HPSE2: variants seen among roughly 807,000 people sequenced by gnomAD.
HPSE2 encodes heparanase 2 (inactive), also known as inactive heparanase-2.
In HPSE2, 38 loss-of-function variants were observed where a neutral mutation model predicts 60.5. The ratio of observed to expected loss-of-function variants is 0.63; its 90% CI spans 0.48 to 0.82. The LOEUF (loss-of-function observed/expected upper bound fraction) is 0.82, where lower values mean the gene tolerates loss of function less well. HPSE2 is among the 40% of genes least tolerant of loss of function. HPSE2 has a pLI of 0.00. For missense variants in HPSE2, 713 were observed against 740.4 expected (o/e 0.96, Z 0.43); for synonymous variants, 295 against 293.2 (o/e 1.01, Z -0.06).
intron 2 of HPSE2, among the ~76,000 whole-genome samples, chr10:99,224,684 G>A (rs1564905979): frequency 6.6e-6 from 1 of 152,072 alleles, no homozygotes; most frequent in Non-Finnish European, 1.5e-5. Flanking sequence ...CATCCCATCA[G>A]TAGGGATTGC....
rs144168235 is a variant in HPSE2 at position 98,963,788 on chromosome 10, G to A, written c.610+180450C>T. 2.0e-3 allele frequency among the ~76,000 whole-genome samples: 308 copies of A among 152,230 alleles called. 4 individuals carry two copies. The highest frequency in any genetic ancestry group is 9.7e-4 in the East Asian group (5 of 5,178). ...ACATCAATGGTGGGCATTTCCAATT[G>A]AGGATTAGTCATGGAATCATGACTA... On this transcript the variant is annotated intron_variant, in intron 3 of 11. Coordinates refer to ENST00000370552, the MANE Select transcript of HPSE2 (RefSeq NM_021828.5).
rs190077472 is a variant in HPSE2, at chr10:98,522,416, G to C, written c.1321-32220C>G. ...GAGCAAAGTGTGAGGCAGTTCCCGGGGGGCGGGGGAAATAGGTCTTGTGGA... is the reference window on the plus strand; with the variant it reads ...GAGCAAAGTGTGAGGCAGTTCCCGGCGGGCGGGGGAAATAGGTCTTGTGGA... On this transcript the variant is annotated intron_variant, in intron 9 of 11. Coordinates refer to ENST00000370552, the MANE Select transcript of HPSE2 (RefSeq NM_021828.5). Among the ~76,000 whole-genome samples, 9 of 152,172 alleles carry C rather than the reference G, an allele frequency of 5.9e-5. No individual in the cohort carries two copies. In the East Asian group the frequency reaches 1.7e-3, roughly 29 times the overall value.
intron 7 of HPSE2, among the ~76,000 whole-genome samples, chr10:98,636,796 T>C (rs1430225506): frequency 6.6e-6 from 1 of 152,250 alleles, no homozygotes; most frequent in Non-Finnish European, 1.5e-5. Flanking sequence ...TCTGTGCTTA[T>C]TGAATTACTG....
chr10:98,975,068 G>A (rs747594444), intron 3 of HPSE2, among the ~76,000 whole-genome samples: 1 of 152,170 alleles, frequency 6.6e-6, no homozygotes, highest in Non-Finnish European at 1.5e-5. Flanking sequence ...AAGTAAGGGT[G>A]TTCTTCTAAT....
chr10:99,053,039 G>A (rs1274283088), intron 3 of HPSE2, among the ~76,000 whole-genome samples: 2 of 148,462 alleles, frequency 1.3e-5, no homozygotes. Context: ...TTAATTTCTT[G>A]AAAAAAAAAC....
chr10:98,670,972 T>C (rs1410057049), intron 6 of HPSE2, among the ~76,000 whole-genome samples: 1 of 152,234 alleles, frequency 6.6e-6, no homozygotes, highest in Non-Finnish European at 1.5e-5. Flanking sequence ...TGAGAGGTTT[T>C]GTCTGCAGCT....
At chr10:98,527,071 T>C (rs767335580) in intron 9 of HPSE2, among the ~76,000 whole-genome samples, 2 of 152,092 alleles carry the variant, frequency 1.3e-5, no homozygotes, top group Admixed American at 6.5e-5. Flanking sequence ...CTCTTAACCT[T>C]ACCCCTTCCT....
At chr10:98,494,197 C>A (rs1186403781) in intron 9 of HPSE2, among the ~76,000 whole-genome samples, 1 of 152,134 alleles carries the variant, frequency 6.6e-6, no homozygotes, top group Non-Finnish European at 1.5e-5. Context: ...GGTACACCTG[C>A]AAGCAGTTTT....
intron 9 of HPSE2, among the ~76,000 whole-genome samples, chr10:98,550,154 T>C (rs1357409838): frequency 6.6e-6 from 1 of 152,240 alleles, no homozygotes; most frequent in African/African-American, 2.4e-5. Context: ...GCTGGCCTTC[T>C]TTCCATTTAA....
intron 3 of HPSE2, among the ~76,000 whole-genome samples, chr10:98,958,855 G>A (rs1226254844): frequency 1.3e-5 from 2 of 152,032 alleles, no homozygotes; most frequent in South Asian, 2.1e-4. Context: ...CTCACCTGAA[G>A]CATAATATCA....
chr10:98,614,295 T>TG (rs903141578), intron 9 of HPSE2, among the ~76,000 whole-genome samples: 3 of 84,880 alleles, frequency 3.5e-5, no homozygotes, highest in Non-Finnish European at 1.1e-4. Context: ...AGGATTGTTT[T>TG]GTTTTTTTTT....
At chr10:98,761,272 C>T (rs889992055) in intron 3 of HPSE2, among the ~76,000 whole-genome samples, 1 of 151,854 alleles carries the variant, frequency 6.6e-6, no homozygotes, top group African/African-American at 2.4e-5. Flanking sequence ...TTAGAAAACC[C>T]GTAGAAAAGA....
intron 3 of HPSE2, among the ~76,000 whole-genome samples, chr10:99,133,498 G>A (rs1845527574): frequency 1.3e-5 from 2 of 152,142 alleles, no homozygotes; most frequent in Non-Finnish European, 2.9e-5. Flanking sequence ...GCTCTGGTTG[G>A]CATTTGGCAG....
intron 6 of HPSE2, among the ~76,000 whole-genome samples, chr10:98,683,439 A>G (rs757698699): frequency 3.3e-5 from 5 of 151,552 alleles, no homozygotes; most frequent in Non-Finnish European, 5.9e-5. Context: ...AAGAAAAAAG[A>G]AAAAATAGGA....
intron 11 of HPSE2, among the ~76,000 whole-genome samples, chr10:98,469,349 A>G (rs1940681860): frequency 6.6e-6 from 1 of 152,194 alleles, no homozygotes; most frequent in South Asian, 2.1e-4. Context: ...ACCACAGGAC[A>G]CAATAGGAAC....
chr10:98,942,564 T>C (rs1389747998), intron 3 of HPSE2, among the ~76,000 whole-genome samples: 1 of 151,836 alleles, frequency 6.6e-6, no homozygotes, highest in Non-Finnish European at 1.5e-5. Context: ...TGGCAATCAT[T>C]AAAAAGTCAG....
chr10:98,999,031 G>C (rs1956714178), intron 3 of HPSE2, among the ~76,000 whole-genome samples: 1 of 152,100 alleles, frequency 6.6e-6, no homozygotes, highest in Admixed American at 6.6e-5. Flanking sequence ...AGAGGAGAGG[G>C]GTTTCTTAGA....
chr10:99,102,620 T>C (rs1308905688), intron 3 of HPSE2, among the ~76,000 whole-genome samples: 5 of 152,198 alleles, frequency 3.3e-5, no homozygotes, highest in Admixed American at 1.3e-4. Context: ...GAATCCTCCC[T>C]AACTCATTTT....
intron 3 of HPSE2, among the ~76,000 whole-genome samples, chr10:98,802,300 A>ATTT (rs35153153): frequency 0.037 from 5,438 of 148,692 alleles, 208 homozygotes; most frequent in East Asian, 0.15. Context: ...TTCTCTTTTT[A>ATTT]TTTTTTTTTT....
Sources: gnomAD v4.1 joint callset for allele counts (sites outside exome capture counted in the v4.1 genomes callset) on GRCh38, gnomAD v4.1.1 for gene constraint, MANE v1.5 for transcripts, NCBI Gene and HGNC (gene_info 2026-07-23, HGNC 2026-07-21) for gene names.